ZNF638: variants seen among roughly 807,000 people sequenced by gnomAD.
The protein encoded by ZNF638 is zinc finger protein 638, also known as CTCL tumor antigen se33-1.
A neutral mutation model predicts 195.6 loss-of-function variants in ZNF638; 46 were observed. The observed-to-expected ratio is 0.24, with a 90% CI of 0.19 to 0.30. The LOEUF is 0.30. ZNF638 is among the 10% of genes least tolerant of loss of function. The pLI, the probability that ZNF638 is intolerant of heterozygous loss-of-function variation, is 1.00. For missense variants in ZNF638, 2,440 were observed against 2,325.3 expected (o/e 1.05, Z -1.01); for synonymous variants, 845 against 772.0 (o/e 1.09, Z -1.57).
chr2:71,424,658 T>C lies in ZNF638; in HGVS notation c.4533T>C (p.Ala1511=), dbSNP rs1006679580. The C allele has an allele frequency of 1.2e-6, 2 of 1,612,580 alleles. No individual in the cohort carries two copies. Among genetic ancestry groups the C allele is most frequent in the Non-Finnish European group, 1.7e-6 (2 of 1,179,374 alleles). ...KRDDSNNKTL[A]EQNTKNPKST... is the part of the protein sequence containing the mutation. ...CTTATTTACTATTTCAGACTTTGGC[T>C]GAGCAAAACACTAAGAATCCTAAAA... Residue 1511 remains alanine, a synonymous_variant, in exon 23 of 28, where the codon GCT becomes GCC. Coordinates refer to ENST00000264447, the MANE Select transcript of ZNF638 (RefSeq NM_014497.5).
intron 1 of ZNF638, among the ~76,000 whole-genome samples, chr2:71,336,311 G>C (rs975691139): frequency 2.7e-5 from 4 of 150,744 alleles, no homozygotes; most frequent in African/African-American, 9.8e-5. Context: ...CGGAGGTTGC[G>C]GTGAGCCGAG....
chr2:71,424,621 T>C, intron 22 of ZNF638, 29 bp from the exon 23 acceptor site: 1 of 1,570,466 alleles, frequency 6.4e-7, no homozygotes, highest in Non-Finnish European at 8.7e-7. Flanking sequence ...TAAATTCCGT[T>C]TTTCTGTATT....
chr2:71,390,987 A>AC lies in ZNF638; in HGVS notation c.2378-5150dup, dbSNP rs775303414. Among the ~76,000 whole-genome samples, 6 of 152,110 alleles carry AC rather than the reference A, an allele frequency of 3.9e-5. No homozygotes were observed. The South Asian group carries it at 8.3e-4, about 21-fold the overall frequency. On this transcript the variant is annotated intron_variant, in intron 10 of 27. Transcript: ENST00000264447. Reference sequence around the variant, plus strand: ...TGGCCACTGTTGTTATTCTTCCCCTACCCCTGACGTGGTTCTCTCAAGATC... The same window carrying AC: ...TGGCCACTGTTGTTATTCTTCCCCTACCCCCTGACGTGGTTCTCTCAAGATC...
chr2:71,383,270 G>A (rs1467189855), intron 10 of ZNF638, among the ~76,000 whole-genome samples: 2 of 152,080 alleles, frequency 1.3e-5, no homozygotes, highest in African/African-American at 2.4e-5. Context: ...AGCCAAGATC[G>A]TGCCACTGCA....
At chr2:71,344,146 A>G (rs2078812218) in intron 1 of ZNF638, among the ~76,000 whole-genome samples, 2 of 152,224 alleles carry the variant, frequency 1.3e-5, no homozygotes, top group Non-Finnish European at 1.5e-5. Flanking sequence ...AATAAAAATA[A>G]AATAACAGCT....
chr2:71,373,377 T>C (rs778685779), intron 8 of ZNF638, among the ~76,000 whole-genome samples: 25 of 152,074 alleles, frequency 1.6e-4, no homozygotes, highest in Non-Finnish European at 3.1e-4. Context: ...TTGCATTGTA[T>C]GTAAGAAGTC....
intron 12 of ZNF638, among the ~76,000 whole-genome samples, chr2:71,399,022 C>G (rs1257632136): frequency 6.6e-6 from 1 of 152,138 alleles, no homozygotes. Flanking sequence ...ACAGGTTGCT[C>G]TGTCGTTTCC....
intron 10 of ZNF638, among the ~76,000 whole-genome samples, chr2:71,382,466 C>CA (rs1481876143): frequency 6.6e-6 from 1 of 152,064 alleles, no homozygotes; most frequent in African/African-American, 2.4e-5. Flanking sequence ...TGAAGAGTGA[C>CA]AGGAAGAGTT....
intron 20 of ZNF638, among the ~76,000 whole-genome samples, chr2:71,411,454 T>A (rs1295851735): frequency 3.6e-5 from 4 of 111,598 alleles, no homozygotes; most frequent in Admixed American, 1.1e-4. Context: ...TTTTTATTTA[T>A]TTTTTATTTT....
chr2:71,378,850 T>C (rs1420384355), intron 8 of ZNF638, among the ~76,000 whole-genome samples: 3 of 152,186 alleles, frequency 2.0e-5, no homozygotes, highest in Non-Finnish European at 2.9e-5. Flanking sequence ...GTCAAACCTA[T>C]ACCTTTGTAG....
intron 16 of ZNF638, 46 bp from the exon 17 acceptor site, chr2:71,403,824 A>T (rs775425909): frequency 7.1e-7 from 1 of 1,403,046 alleles, no homozygotes; most frequent in Non-Finnish European, 9.7e-7. Flanking sequence ...TTTTGAGAAA[A>T]AGTAACATAA....
chr2:71,364,288 T>C (rs543608492), intron 5 of ZNF638, 36 bp downstream of exon 5: 6 of 1,550,172 alleles, frequency 3.9e-6, no homozygotes, highest in East Asian at 2.3e-5. Context: ...AATGTACTTA[T>C]TTTGACTAAA....
In ZNF638 at chr2:71,348,778, G is replaced by A. The variant is rs1172879208; in HGVS notation, c.-177G>A. On this transcript the variant is annotated 5_prime_UTR_variant, in exon 2 of 28. Transcript: ENST00000264447. ...CTTTGTGTTATTCTTGGAAAATTTC[G>A]CACCACTTGTGAATTCCTTGAACCT... 20 of 1,543,678 alleles carry A rather than the reference G, an allele frequency of 1.3e-5. No individual in the cohort carries two copies. The highest frequency in any genetic ancestry group is 2.0e-5 in the Admixed American group (1 of 51,152).
intron 3 of ZNF638, among the ~76,000 whole-genome samples, chr2:71,362,645 C>T (rs2079129063): frequency 6.6e-6 from 1 of 152,176 alleles, no homozygotes; most frequent in African/African-American, 2.4e-5. Context: ...TGCATGAAAT[C>T]TAACCTGATC....
chr2:71,355,930 T>G, intron 3 of ZNF638, 150 bp downstream of exon 3: 1 of 463,332 alleles, frequency 2.2e-6, no homozygotes, highest in Non-Finnish European at 3.8e-6. Context: ...TTTCTGGAAG[T>G]ATATTTAATA....
chr2:71,427,206 A>T lies in ZNF638; in HGVS notation c.5337A>T (p.Glu1779Asp). 6.2e-7 allele frequency: 1 copy of T among 1,612,462 alleles called. No homozygotes were observed. Among genetic ancestry groups the T allele is most frequent in the Non-Finnish European group, 8.5e-7 (1 of 1,179,530 alleles). Residue 1779 changes from glutamate to aspartate, a missense_variant, in exon 24 of 28, where the codon GAA becomes GAT. Around this residue, in one of 5 missense-constraint regions of ZNF638, gnomAD observed 1,883 missense variants for 1,739.1 expected, o/e 1.08. Transcript: ENST00000264447. ...KEELNFVTVD[E>D]VGEEEDGDND... ...AGCTTAATTTTGTTACTGTTGATGAAGTTGGAGAGGAGGAAGATGGAGATA... is the reference window on the plus strand; with the variant it reads ...AGCTTAATTTTGTTACTGTTGATGATGTTGGAGAGGAGGAAGATGGAGATA...
At chr2:71,336,157 A>C (rs1161594469) in intron 1 of ZNF638, among the ~76,000 whole-genome samples, 1 of 152,178 alleles carries the variant, frequency 6.6e-6, no homozygotes. Context: ...GGATCATCTG[A>C]GGTCGGGAGC....
intron 3 of ZNF638, 80 bp downstream of exon 3, chr2:71,355,860 T>C: frequency 1.3e-6 from 1 of 749,878 alleles, no homozygotes; most frequent in South Asian, 2.2e-5. Context: ...TAAATACCTT[T>C]AGTATAATAC....
At chr2:71,332,903 C>T (rs1239355574) in intron 1 of ZNF638, 1 of 152,128 alleles carries the variant, frequency 6.6e-6, no homozygotes, top group African/African-American at 2.4e-5. Flanking sequence ...CACCAGGATC[C>T]AGCGATTTAT....
Sources: gnomAD v4.1 joint callset for allele counts (sites outside exome capture counted in the v4.1 genomes callset) on GRCh38, gnomAD v4.1.1 for gene constraint, gnomAD v4.1.1 regional missense constraint, MANE v1.5 for transcripts, NCBI Gene and HGNC (gene_info 2026-07-23, HGNC 2026-07-21) for gene names.